GRXCR2: variants seen among roughly 807,000 people sequenced by gnomAD.
GRXCR2 encodes glutaredoxin and cysteine rich domain containing 2, also known as glutaredoxin domain-containing cysteine-rich protein 2.
A neutral mutation model predicts 24.8 loss-of-function variants in GRXCR2; 23 were observed. The observed-to-expected ratio is 0.93, with a 90% confidence interval of 0.67 to 1.32. GRXCR2 has a LOEUF of 1.32. Among genes scored for constraint, GRXCR2 ranks in the 40% most tolerant of loss-of-function variants. The pLI, the probability that GRXCR2 is intolerant of heterozygous loss-of-function variation, is 0.00. For missense variants in GRXCR2, 315 were observed against 303.4 expected (o/e 1.04, Z -0.28); for synonymous variants, 130 against 116.1 (o/e 1.12, Z -0.77).
intron 2 of GRXCR2, among the ~76,000 whole-genome samples, chr5:145,923,427 G>T (rs566850722): frequency 6.6e-6 from 1 of 152,082 alleles, no homozygotes; most frequent in Non-Finnish European, 1.5e-5. Context: ...AAAATCAAGC[G>T]GTTTCACATG....
chr5:145,859,706 T>C lies in GRXCR2; in HGVS notation c.*27A>G. 3.1e-6 allele frequency: 5 copies of C among 1,610,450 alleles called. No individual in the cohort carries two copies. The highest frequency in any genetic ancestry group is 4.2e-6 in the Non-Finnish European group (5 of 1,176,804). ...AGAAATAACTTTAGGGAGGGTAAGA[T>C]AACAGTGGACATGCAAAAGCCACGG... On this transcript the variant is annotated 3_prime_UTR_variant, in exon 3 of 3. Coordinates refer to ENST00000377976, the MANE Select transcript of GRXCR2 (RefSeq NM_001080516.2).
At chr5:145,858,476 C>CTA (rs1246050847), downstream of GRXCR2, 1 of 152,146 alleles carries the variant, frequency 6.6e-6, no homozygotes, top group African/African-American at 2.4e-5. Flanking sequence ...AATATGGTAA[C>CTA]TCCTGAGTAT....
chr5:145,894,729 T>A (rs1186529907), intron 2 of GRXCR2, among the ~76,000 whole-genome samples: 1 of 152,128 alleles, frequency 6.6e-6, no homozygotes, highest in African/African-American at 2.4e-5. Flanking sequence ...TACCATTCCT[T>A]CTGAAACTAT....
chr5:145,927,078 C>T (rs1228164240), intron 2 of GRXCR2, among the ~76,000 whole-genome samples: 8 of 152,108 alleles, frequency 5.3e-5, no homozygotes, highest in East Asian at 1.9e-4. Flanking sequence ...ACATTGATTT[C>T]GTATCCCAAG....
At chr5:145,881,422 C>G (rs189768319) in intron 2 of GRXCR2, among the ~76,000 whole-genome samples, 1 of 152,306 alleles carries the variant, frequency 6.6e-6, no homozygotes, top group Non-Finnish European at 1.5e-5. Context: ...AACTCCCATT[C>G]ACAATTCCTA....
At chr5:145,880,871 G>C (rs987142102) in intron 2 of GRXCR2, among the ~76,000 whole-genome samples, 2 of 152,184 alleles carry the variant, frequency 1.3e-5, no homozygotes, top group Non-Finnish European at 1.5e-5. Context: ...AAGACTGGTT[G>C]AACATATGCA....
chr5:145,873,320 A>G (rs1475492085), upstream of GRXCR2, among the ~76,000 whole-genome samples: 3 of 152,228 alleles, frequency 2.0e-5, no homozygotes, highest in Admixed American at 1.3e-4. Flanking sequence ...CAGACACTCA[A>G]TTAGTTAACA....
chr5:145,869,826 G>T (rs918806997), intron 1 of GRXCR2, among the ~76,000 whole-genome samples: 1 of 152,000 alleles, frequency 6.6e-6, no homozygotes, highest in African/African-American at 2.4e-5. Flanking sequence ...CCAAGTGCTG[G>T]GATTACAGGT....
Position 145,872,808 on chromosome 5 carries a change from A to C in GRXCR2, c.161T>G (p.Leu54Arg), listed in dbSNP as rs770386442. ...SPKEEYPHSF[L>R]QESLETMDGV... ...ATCCATTGTTTCAAGAGACTCTTGC[A>C]GAAAACTGTGAGGGTATTCCTCCTT... Residue 54 changes from leucine to arginine, a missense_variant, in exon 1 of 3, where the codon CTG becomes CGG. Physicochemically the swap from Leu to Arg is moderately radical, Grantham distance 102. Transcript: ENST00000377976. 1.2e-6 allele frequency: 2 copies of C among 1,614,206 alleles called. No individual in the cohort carries two copies.
chr5:145,859,767 T>C lies in GRXCR2; in HGVS notation c.713A>G (p.Asn238Ser). 6.2e-7 allele frequency: 1 copy of C among 1,614,204 alleles called. No individual in the cohort carries two copies. Among genetic ancestry groups the C allele is most frequent in the Non-Finnish European group, 8.5e-7 (1 of 1,180,034 alleles). ...GCAAATCTGGCAAGGCTGTAGGCCA[T>C]TCTCATTGCAGGCAGGGCACCTCAG... Reference protein sequence around the residue: ...RALRCPACNENGLQPCQICNQ With the variant: ...RALRCPACNESGLQPCQICNQ Residue 238 changes from asparagine (N) to serine (S), a missense_variant, in exon 3 of 3, where the codon AAT (asparagine) becomes AGT (serine). Asn to Ser is a conservative substitution (Grantham distance 46, BLOSUM62 1). Coordinates refer to ENST00000377976, the MANE Select transcript of GRXCR2 (RefSeq NM_001080516.2).
intron 2 of GRXCR2, among the ~76,000 whole-genome samples, chr5:145,924,583 G>A (rs2149929631): frequency 6.6e-6 from 1 of 152,250 alleles, no homozygotes; most frequent in Non-Finnish European, 1.5e-5. Flanking sequence ...ATAAAGTATT[G>A]ACGTTTTTAT....
At chr5:145,897,450 A>T (rs1756967025) in intron 2 of GRXCR2, among the ~76,000 whole-genome samples, 1 of 152,102 alleles carries the variant, frequency 6.6e-6, no homozygotes, top group Non-Finnish European at 1.5e-5. Flanking sequence ...CTTAAGCTCA[A>T]CACTTGACCA....
chr5:145,860,595 A>G (rs987916495), intron 2 of GRXCR2, among the ~76,000 whole-genome samples: 1 of 152,182 alleles, frequency 6.6e-6, no homozygotes, highest in Non-Finnish European at 1.5e-5. Flanking sequence ...GAATCGATAA[A>G]TGTTACAATC....
rs371571227 is a variant in GRXCR2, at chr5:145,926,322, T to C, written c.-70+9379A>G. Among the ~76,000 whole-genome samples the C allele has an allele frequency of 6.2e-4, 94 of 152,292 alleles. 3 individuals are homozygous for C. The South Asian group carries it at 0.017, about 28-fold the overall frequency. On this transcript the variant is annotated intron_variant, in intron 2 of 3. Coordinates refer to the GRXCR2 transcript ENST00000639411. Reference sequence around the variant, plus strand: ...TTAACTCCCCCTGTTGCAGATGTTTTAGTAAATCTGTAATGATTTAAGCAT... The same window carrying C: ...TTAACTCCCCCTGTTGCAGATGTTTCAGTAAATCTGTAATGATTTAAGCAT...
intron 2 of GRXCR2, among the ~76,000 whole-genome samples, chr5:145,864,221 G>C (rs1756389579): frequency 6.6e-6 from 1 of 152,096 alleles, no homozygotes; most frequent in African/African-American, 2.4e-5. Context: ...TCCAGGCAGA[G>C]GGGATTGGCC....
intron 2 of GRXCR2, among the ~76,000 whole-genome samples, chr5:145,863,724 C>T (rs994380895): frequency 4.6e-5 from 7 of 152,090 alleles, no homozygotes; most frequent in African/African-American, 1.7e-4. Flanking sequence ...TTTCGAGCTC[C>T]TGGGCTCAAG....
At chr5:145,909,198 T>C (rs192224139) in intron 2 of GRXCR2, among the ~76,000 whole-genome samples, 21 of 152,330 alleles carry the variant, frequency 1.4e-4, no homozygotes, top group Non-Finnish European at 1.8e-4. Flanking sequence ...TATATGTAAT[T>C]CATAACAGGC....
intron 2 of GRXCR2, among the ~76,000 whole-genome samples, chr5:145,900,127 T>C (rs1214251493): frequency 6.6e-6 from 1 of 152,176 alleles, no homozygotes; most frequent in East Asian, 1.9e-4. Context: ...GTCCCTGCCC[T>C]AATCTCATGT....
chr5:145,867,943 A>C (rs998337528), intron 1 of GRXCR2, among the ~76,000 whole-genome samples: 2 of 151,984 alleles, frequency 1.3e-5, no homozygotes, highest in African/African-American at 4.8e-5. Flanking sequence ...AGCCTCTAAC[A>C]TCCCTAAACC....
Sources: allele counts gnomAD v4.1 joint callset (sites outside exome capture counted in the v4.1 genomes callset), GRCh38; gene constraint gnomAD v4.1.1; transcripts MANE v1.5; gene names NCBI Gene and HGNC (gene_info 2026-07-23, HGNC 2026-07-21).